The following BIK variants were observed in gnomAD, a reference collection of about 807,000 sequenced individuals.
BIK encodes bcl-2-interacting killer.
Under a neutral mutation model 12.1 loss-of-function variants are expected in BIK, and 14 were observed. That is an observed-to-expected ratio of 1.16 (90% CI 0.77 to 1.81). The LOEUF is 1.81. Among genes scored for constraint, BIK ranks in the 40% most tolerant of loss-of-function variants. The pLI is 0.00. For missense variants in BIK, 215 were observed against 207.9 expected (o/e 1.03, Z -0.21); for synonymous variants, 86 against 92.3 (o/e 0.93, Z 0.39).
chr22:43,127,907 G>A, intron 3 of BIK, 112 bp downstream of exon 3: 1 of 972,748 alleles, frequency 1.0e-6, no homozygotes, highest in Non-Finnish European at 1.4e-6. Flanking sequence ...TGGGGGATGT[G>A]CCTTGACACT....
intron 1 of BIK, among the ~76,000 whole-genome samples, chr22:43,111,890 G>A (rs530848663): frequency 1.3e-5 from 2 of 152,156 alleles, no homozygotes; most frequent in African/African-American, 4.8e-5. Context: ...GAGAAACAGA[G>A]ATTTCAGTCC....
rs143482571 is a variant in BIK, at chr22:43,115,055, C to G, written c.-8+4252C>G. Among the ~76,000 whole-genome samples, 652 of 152,348 alleles carry G rather than the reference C, an allele frequency of 4.3e-3. 4 individuals carry two copies. The highest frequency in any genetic ancestry group is 0.015 in the African/African-American group (622 of 41,580). On this transcript the variant is annotated intron_variant, in intron 1 of 4. Transcript: ENST00000216115. ...ATCCTCTCACCGGCTTTCACTGGGT[C>G]CCTGCTCTGTTCTGGGGCCATGCAG...
chr22:43,126,087 T>C (rs1479933057), intron 2 of BIK, among the ~76,000 whole-genome samples: 1 of 151,396 alleles, frequency 6.6e-6, no homozygotes, highest in Admixed American at 6.6e-5. Context: ...TGCAGTGGCA[T>C]GATCTTGGCT....
At chr22:43,117,282 A>G (rs904930699) in intron 1 of BIK, among the ~76,000 whole-genome samples, 1 of 151,834 alleles carries the variant, frequency 6.6e-6, no homozygotes, top group Non-Finnish European at 1.5e-5. Context: ...CTAGCTACAC[A>G]TCAGTGTTTA....
chr22:43,118,115 G>A (rs1930153813), intron 1 of BIK, among the ~76,000 whole-genome samples: 2 of 152,100 alleles, frequency 1.3e-5, no homozygotes, highest in South Asian at 4.1e-4. Flanking sequence ...CAGCACAGCG[G>A]TGCCTGTGAT....
rs77205046 is a variant in BIK, at chr22:43,111,785, C to A, written c.-8+982C>A. Among the ~76,000 whole-genome samples, 1,473 of 152,188 alleles carry A rather than the reference C, an allele frequency of 9.7e-3. 25 individuals are homozygous for A. Among genetic ancestry groups the A allele is most frequent in the African/African-American group, 0.034 (1,416 of 41,510 alleles). On this transcript the variant is annotated intron_variant, in intron 1 of 4. Coordinates refer to ENST00000216115, the MANE Select transcript of BIK (RefSeq NM_001197.5). ...GAGCATTGGTGTCAGCCTCATGTCCCCGCATTAGGAGGAGCGCAGTCTGGT... is the reference window on the plus strand; with the variant it reads ...GAGCATTGGTGTCAGCCTCATGTCCACGCATTAGGAGGAGCGCAGTCTGGT...
chr22:43,126,970 C>T (rs1930328449), intron 2 of BIK, among the ~76,000 whole-genome samples: 1 of 152,106 alleles, frequency 6.6e-6, no homozygotes, highest in African/African-American at 2.4e-5. Flanking sequence ...CCGGCCTCAG[C>T]TCAGGGCCCC....
At chr22:43,111,954 G>T (rs1191513815) in intron 1 of BIK, among the ~76,000 whole-genome samples, 1 of 152,130 alleles carries the variant, frequency 6.6e-6, no homozygotes, top group East Asian at 1.9e-4. Context: ...GGCCCTTTAT[G>T]GAACCCAAGC....
chr22:43,121,042 G>T (rs537376964), intron 1 of BIK, among the ~76,000 whole-genome samples: 2 of 152,288 alleles, frequency 1.3e-5, no homozygotes, highest in Non-Finnish European at 2.9e-5. Flanking sequence ...GGGTGTGGTG[G>T]CATGTGCCTG....
chr22:43,127,294 G>A (rs542982375), intron 2 of BIK, among the ~76,000 whole-genome samples: 6 of 152,202 alleles, frequency 3.9e-5, no homozygotes, highest in African/African-American at 1.4e-4. Flanking sequence ...GTGGGAAGGG[G>A]GCTCAAGGGG....
At chr22:43,123,249 T>C (rs2147023301) in intron 1 of BIK, among the ~76,000 whole-genome samples, 1 of 152,220 alleles carries the variant, frequency 6.6e-6, no homozygotes, top group East Asian at 1.9e-4. Context: ...TCATGCTGCC[T>C]CTCTGCCTTT....
chr22:43,129,340 C>T lies in BIK; in HGVS notation c.*35C>T, dbSNP rs1353737913. 6.3e-7 allele frequency: 1 copy of T among 1,588,014 alleles called. No homozygotes were observed. The highest frequency in any genetic ancestry group is 2.2e-5 in the East Asian group (1 of 44,616). ...GGCTCAGGGCGGGGCTGGCCCCACCCCCATGACCACTGCCCTGGAGGTGGC... is the reference window on the plus strand; with the variant it reads ...GGCTCAGGGCGGGGCTGGCCCCACCTCCATGACCACTGCCCTGGAGGTGGC... On this transcript the variant is annotated 3_prime_UTR_variant, in exon 5 of 5. Coordinates refer to ENST00000216115, the MANE Select transcript of BIK (RefSeq NM_001197.5).
At chr22:43,126,393 G>A (rs1316668156) in intron 2 of BIK, among the ~76,000 whole-genome samples, 1 of 152,028 alleles carries the variant, frequency 6.6e-6, no homozygotes, top group East Asian at 1.9e-4. Context: ...CATCATGTTA[G>A]CCAGGATGGT....
At chr22:43,114,749 C>T (rs1191226927) in intron 1 of BIK, among the ~76,000 whole-genome samples, 7 of 152,184 alleles carry the variant, frequency 4.6e-5, no homozygotes, top group African/African-American at 1.4e-4. Context: ...GAGCTCGGAC[C>T]GTGAGGTGGT....
chr22:43,125,301 T>C (rs1381817089), intron 2 of BIK, among the ~76,000 whole-genome samples: 1 of 152,208 alleles, frequency 6.6e-6, no homozygotes, highest in Non-Finnish European at 1.5e-5. Context: ...TGACTTAGAA[T>C]TCCTAGCCTC....
In BIK at chr22:43,114,590, C is replaced by T. The variant is rs536529433; in HGVS notation, c.-8+3787C>T. On this transcript the variant is annotated intron_variant, in intron 1 of 4. Coordinates refer to ENST00000216115, the MANE Select transcript of BIK (RefSeq NM_001197.5). Reference sequence around the variant, plus strand: ...TGCTGGGATTACAGGTGCGAGCCACCGTGCCTGGCCAAGAGATGACATTTA... The same window carrying T: ...TGCTGGGATTACAGGTGCGAGCCACTGTGCCTGGCCAAGAGATGACATTTA... 7.9e-5 allele frequency among the ~76,000 whole-genome samples: 12 copies of T among 152,272 alleles called. No individual in the cohort carries two copies. In the South Asian group the frequency reaches 8.3e-4, roughly 11 times the overall value.
At position 43,112,117 on chromosome 22, in the gene BIK, A is replaced by G. The variant is rs560684099; in HGVS notation, c.-8+1314A>G. Among the ~76,000 whole-genome samples the G allele has an allele frequency of 1.4e-3, 214 of 152,328 alleles. 1 individual carries two copies. The highest frequency in any genetic ancestry group is 3.4e-3 in the Middle Eastern group (1 of 294). ...CAAGTTAGTAGCCTCCCTGGAGTTA[A>G]GACTCACCCCGATTTCTACTTAATT... On this transcript the variant is annotated intron_variant, in intron 1 of 4. Transcript: ENST00000216115.
chr22:43,129,247 TGCTGCTGGC>T lies in BIK; in HGVS notation c.433_441del (p.Ala145_Leu147del), dbSNP rs774766775. The T allele has an allele frequency of 6.9e-6, 11 of 1,597,518 alleles. No individual in the cohort carries two copies. The South Asian group carries it at 1.2e-4, about 18-fold the overall frequency. On this transcript the variant is annotated inframe_deletion, in exon 5 of 5. Coordinates refer to ENST00000216115, the MANE Select transcript of BIK (RefSeq NM_001197.5). ...GAACAGGTGCTGCTGGCGCTGCTGCTGCTGCTGGCGCTGCTGCTGCCGCTGCTCAGCGGG... is the reference window on the plus strand; with the variant it reads ...GAACAGGTGCTGCTGGCGCTGCTGCTGCTGCTGCTGCCGCTGCTCAGCGGG...
chr22:43,127,614 C>A, intron 2 of BIK, 83 bp from the exon 3 acceptor site: 3 of 1,291,428 alleles, frequency 2.3e-6, no homozygotes, highest in Non-Finnish European at 3.2e-6. Flanking sequence ...CCCAGCTGCA[C>A]ACAATCCGTT....
Sources: gnomAD v4.1 joint callset for allele counts (sites outside exome capture counted in the v4.1 genomes callset) on GRCh38, gnomAD v4.1.1 for gene constraint, MANE v1.5 for transcripts, NCBI Gene and HGNC (gene_info 2026-07-23, HGNC 2026-07-21) for gene names.